The following PPP2R2C variants were observed in gnomAD, a reference collection of about 807,000 sequenced individuals.
PPP2R2C encodes protein phosphatase 2 regulatory subunit Bgamma, also known as protein phosphatase 2, regulatory subunit B, gamma.
A neutral mutation model predicts 45.3 loss-of-function variants in PPP2R2C; 10 were observed. The ratio of observed to expected loss-of-function variants is 0.22; its 90% confidence interval spans 0.14 to 0.37. The LOEUF is 0.37. PPP2R2C is among the 10% of genes least tolerant of loss of function. PPP2R2C has a pLI of 1.00. For missense variants in PPP2R2C, 308 were observed against 619.7 expected, an observed-to-expected ratio of 0.50 and a Z score of 5.34; for synonymous variants, 257 against 245.4, an observed-to-expected ratio of 1.05 and a Z score of -0.44.
At chr4:6,552,518 CTCTCT>C (rs1257414546) in intron 1 of PPP2R2C, among the ~76,000 whole-genome samples, 1 of 151,956 alleles carries the variant, frequency 6.6e-6, no homozygotes, top group African/African-American at 2.4e-5. Context: ...TTCTTTCTCC[CTCTCT>C]TCTCTTCTCC....
chr4:6,378,477 T>C lies in PPP2R2C; in HGVS notation c.264A>G (p.Ile88Met). The change falls in exon 3 of 9, where the codon ATA becomes ATG. Residue 88 changes from isoleucine to methionine, a missense_variant. Ile to Met is a conservative substitution (Grantham distance 10). Coordinates refer to ENST00000382599, the MANE Select transcript of PPP2R2C (RefSeq NM_020416.4). This position sits in a 1 kb window ranked among gnomAD's most constrained non-coding sequence, Gnocchi z 5.2. ...PEFDYLKSLE[I>M]EEKINKIKWL... is the part of the protein sequence containing the mutation. ...ACTTGATCTTGTTGATCTTCTCCTC[T>C]ATCTCCAGGCTCTTGAGATAGTCAA... is the stretch of plus-strand genomic sequence containing the variant. The C allele has an allele frequency of 6.2e-7, 1 of 1,614,184 alleles. No individual in the cohort carries two copies. The highest frequency in any genetic ancestry group is 1.1e-5 in the South Asian group (1 of 91,084).
intron 1 of PPP2R2C, among the ~76,000 whole-genome samples, chr4:6,448,415 T>C (rs1395960080): frequency 1.3e-5 from 2 of 152,030 alleles, no homozygotes; most frequent in African/African-American, 2.4e-5. Flanking sequence ...CTCAGCCCAC[T>C]TAACAAGCTG....
At chr4:6,410,405 T>C (rs1046306315) in intron 1 of PPP2R2C, among the ~76,000 whole-genome samples, 21 of 151,930 alleles carry the variant, frequency 1.4e-4, no homozygotes, top group African/African-American at 4.8e-4. Flanking sequence ...CACGAGTGAG[T>C]AACTGGGGCA....
chr4:6,388,937 C>G (rs1716414998), intron 1 of PPP2R2C, among the ~76,000 whole-genome samples: 1 of 152,138 alleles, frequency 6.6e-6, no homozygotes, highest in South Asian at 2.1e-4. Context: ...AGGCTCCAGC[C>G]CCCGAGAACT....
At position 6,321,350 on chromosome 4, in the gene PPP2R2C, G is replaced by C. The variant is rs538363335; in HGVS notation, c.*1952C>G. The C allele has an allele frequency of 6.6e-6, 1 of 152,392 alleles. No individual in the cohort carries two copies. Among genetic ancestry groups the C allele is most frequent in the Admixed American group, 6.5e-5 (1 of 15,272 alleles). The allele number at this position is 152,392 out of a possible 1,614,324, so 9.4% of individuals were successfully genotyped here. On this transcript the variant is annotated 3_prime_UTR_variant, in exon 9 of 9. Transcript: ENST00000382599. ...TATCTATACAATTGACCACATTCTC[G>C]AACCTCTTTACAAGGGGGAAAAAAG...
intron 4 of PPP2R2C, among the ~76,000 whole-genome samples, chr4:6,373,962 C>G (rs1035067379): frequency 3.3e-5 from 5 of 151,860 alleles, no homozygotes; most frequent in African/African-American, 1.2e-4. Flanking sequence ...CAGCCTGGCT[C>G]TGGGTGGTTC....
chr4:6,393,285 G>A (rs559748785), intron 1 of PPP2R2C, among the ~76,000 whole-genome samples: 1 of 152,134 alleles, frequency 6.6e-6, no homozygotes, highest in East Asian at 1.9e-4. Flanking sequence ...TCTACTTCCT[G>A]TTTCTATGGA....
chr4:6,383,419 T>G (rs1716001005), intron 1 of PPP2R2C: 1 of 1,289,842 alleles, frequency 7.8e-7, no homozygotes, highest in East Asian at 5.6e-5. Context: ...TTCCCCAGCC[T>G]CATCTACTGC....
chr4:6,491,140 C>T (rs532499160), intron 2 of PPP2R2C, among the ~76,000 whole-genome samples: 49 of 152,288 alleles, frequency 3.2e-4, no homozygotes, highest in Middle Eastern at 3.4e-3. Flanking sequence ...GGGATTTTTG[C>T]CTGTTTTGCT....
intron 1 of PPP2R2C, among the ~76,000 whole-genome samples, chr4:6,398,550 G>A (rs1717208074): frequency 6.6e-6 from 1 of 152,088 alleles, no homozygotes; most frequent in African/African-American, 2.4e-5. Context: ...ATCACAACGA[G>A]ATACCAGTGT....
At chr4:6,550,022 C>T (rs1725130485) in intron 1 of PPP2R2C, among the ~76,000 whole-genome samples, 1 of 152,162 alleles carries the variant, frequency 6.6e-6, no homozygotes, top group Admixed American at 6.5e-5. Context: ...AACCTGTCAC[C>T]TTGTCACCGC....
Position 6,554,935 on chromosome 4 carries a change from GAAAGAAAGAAA to G in PPP2R2C, c.-59+8614_-59+8624del, listed in dbSNP as rs1560620326. On this transcript the variant is annotated intron_variant, in intron 1 of 9. Coordinates refer to the PPP2R2C transcript ENST00000506140. ...GGAAGGAAGGAAGGAAGGAAGGAAA[GAAAGAAAGAAA>G]GAAAGAAAGAAAGAAAGAAAGAGAA... Among the ~76,000 whole-genome samples the G allele has an allele frequency of 4.6e-3, 381 of 83,604 alleles. 3 individuals carry two copies. Among genetic ancestry groups the G allele is most frequent in the East Asian group, 0.011 (43 of 3,780 alleles). The allele number at this position is 83,604 out of a possible 152,430, so 54.8% of individuals were successfully genotyped here.
At chr4:6,479,328 G>A (rs937920188) in intron 2 of PPP2R2C, among the ~76,000 whole-genome samples, 7 of 152,148 alleles carry the variant, frequency 4.6e-5, no homozygotes, top group Admixed American at 2.0e-4. Context: ...TGGCTTGTTC[G>A]ACCACTTTGA....
At chr4:6,512,681 T>C (rs1161700410) in intron 2 of PPP2R2C, among the ~76,000 whole-genome samples, 1 of 148,556 alleles carries the variant, frequency 6.7e-6, no homozygotes, top group East Asian at 2.0e-4. Context: ...GTGGTGGTGA[T>C]ACTGGTGGTG....
intron 2 of PPP2R2C, among the ~76,000 whole-genome samples, chr4:6,496,869 A>ATAAC (rs1173264263): frequency 1.3e-5 from 2 of 150,064 alleles, no homozygotes; most frequent in Non-Finnish European, 3.0e-5. Context: ...CTCAAAATAA[A>ATAAC]TAAATAAATA....
chr4:6,449,120 C>A (rs901161362), intron 1 of PPP2R2C, among the ~76,000 whole-genome samples: 2 of 152,204 alleles, frequency 1.3e-5, no homozygotes, highest in Admixed American at 1.3e-4. Context: ...CACCCAACCA[C>A]ACCAAGTCCA....
Position 6,501,715 on chromosome 4 carries a change from T to C in PPP2R2C, c.49+33556A>G, listed in dbSNP as rs531722506. On this transcript the variant is annotated intron_variant, in intron 2 of 9. Coordinates refer to the PPP2R2C transcript ENST00000506140. ...GCCCATTTTACAGACGAAGAAGCCATGGCTTAGGGTGGCCTGGCCTTCCAG... is the reference window on the plus strand; with the variant it reads ...GCCCATTTTACAGACGAAGAAGCCACGGCTTAGGGTGGCCTGGCCTTCCAG... Among the ~76,000 whole-genome samples the C allele has an allele frequency of 3.9e-5, 6 of 152,288 alleles. No individual in the cohort carries two copies. In the East Asian group the frequency reaches 1.2e-3, roughly 29 times the overall value.
rs1241738820 is a variant in PPP2R2C at position 6,397,627 on chromosome 4, C to G, written c.71-16533G>C. Among the ~76,000 whole-genome samples, 4 of 113,792 alleles carry G rather than the reference C, an allele frequency of 3.5e-5. No homozygotes were observed. The East Asian group carries it at 2.0e-3, about 56-fold the overall frequency. The allele number at this position is 113,792 out of a possible 152,430, so 74.7% of individuals were successfully genotyped here. ...GGAACCCACAGAGAGGGCAGTGCAG[C>G]CTGCCTAGAGGCTAAGGGCAAGTGC... On this transcript the variant is annotated intron_variant, in intron 1 of 8. Transcript: ENST00000382599.
intron 5 of PPP2R2C, among the ~76,000 whole-genome samples, chr4:6,365,738 C>A (rs561238113): frequency 2.0e-5 from 3 of 152,228 alleles, no homozygotes; most frequent in African/African-American, 7.2e-5. Context: ...CTCCAGCCCA[C>A]CTGGCCGTGC....
Sources: allele counts gnomAD v4.1 joint callset (sites outside exome capture counted in the v4.1 genomes callset), GRCh38; gene constraint gnomAD v4.1.1; non-coding constraint Gnocchi (gnomAD v3.1); transcripts MANE v1.5; gene names NCBI Gene and HGNC (gene_info 2026-07-23, HGNC 2026-07-21).